Variants in WNT16 observed in about 807,000 individuals in gnomAD.
WNT16 encodes protein Wnt-16.
WNT16 carries 20 observed loss-of-function variants against 35.4 expected under a neutral mutation model. That is an observed-to-expected ratio of 0.56 (90% CI 0.40 to 0.82). WNT16 has a LOEUF of 0.82. WNT16 is among the 40% of genes least tolerant of loss of function. WNT16 has a pLI of 0.00. For missense variants in WNT16, 461 were observed against 466.0 expected (o/e 0.99, Z 0.10); for synonymous variants, 180 against 179.2 (o/e 1.00, Z -0.03).
Position 121,339,102 on chromosome 7 carries a change from C to T in WNT16, c.855C>T (p.Leu285=), listed in dbSNP as rs776883000. Residue 285 remains leucine (L), a synonymous_variant, in exon 4 of 4, where the codon CTC becomes CTT. Transcript: ENST00000222462. ...RKIPIHKDDL[L]YVNKSPNYCV... is the part of the protein sequence containing the mutation. ...TACCAATCCATAAGGATGATCTGCT[C>T]TATGTTAATAAGTCTCCCAACTACT... 3.8e-5 allele frequency: 62 copies of T among 1,614,040 alleles called. No individual in the cohort carries two copies. The highest frequency in any genetic ancestry group is 2.2e-4 in the Admixed American group (13 of 59,982).
At chr7:121,332,472 TG>T (rs1432456117) in intron 3 of WNT16, among the ~76,000 whole-genome samples, 4 of 152,192 alleles carry the variant, frequency 2.6e-5, no homozygotes, top group African/African-American at 9.6e-5. Context: ...CGCTTAGTCG[TG>T]GAGTCAGAAT....
Position 121,339,416 on chromosome 7 carries a change from C to A in WNT16, c.*71C>A. 2.9e-6 allele frequency: 4 copies of A among 1,395,208 alleles called. No individual in the cohort carries two copies. In the South Asian group the frequency reaches 5.2e-5, roughly 18 times the overall value. 86.4% of individuals were successfully genotyped at this position (1,395,208 alleles called of 1,614,324 possible). On this transcript the variant is annotated 3_prime_UTR_variant, in exon 4 of 4. Coordinates refer to ENST00000222462, the MANE Select transcript of WNT16 (RefSeq NM_057168.2). ...GCATTGCAACCAGAGAGGTGCCCAT[C>A]CCTGTGCAGCGCTAGTAAAGTTGAC...
At chr7:121,335,103 C>T (rs945624962) in intron 3 of WNT16, among the ~76,000 whole-genome samples, 2 of 152,078 alleles carry the variant, frequency 1.3e-5, no homozygotes, top group East Asian at 1.9e-4. Flanking sequence ...CATCCAACCT[C>T]GTGTCGCAGT....
intron 3 of WNT16, among the ~76,000 whole-genome samples, chr7:121,338,042 A>T (rs950338222): frequency 1.3e-5 from 2 of 152,202 alleles, no homozygotes; most frequent in Non-Finnish European, 2.9e-5. Context: ...CCTTTTGACC[A>T]ACTAAACCAG....
intron 3 of WNT16, among the ~76,000 whole-genome samples, chr7:121,334,763 C>T (rs1793413140): frequency 6.6e-6 from 1 of 152,068 alleles, no homozygotes; most frequent in Non-Finnish European, 1.5e-5. Context: ...GATTGGCTAA[C>T]GGAATGATGT....
rs374438180 is a variant in WNT16, at chr7:121,329,800, G to A, written c.329G>A (p.Gly110Asp). The change falls in exon 2 of 4, where the codon GGC (glycine) becomes GAC (aspartate). Residue 110 changes from glycine (G) to aspartate (D), a missense_variant. Coordinates refer to ENST00000222462, the MANE Select transcript of WNT16 (RefSeq NM_057168.2). ...TAPMGASPLF[G>D]YELSSGTKET... The stretch of plus-strand genomic sequence containing the variant: ...CCGATGGGCGCCAGCCCCCTCTTTG[G>A]CTACGAGCTGAGCAGCGGTGAGTCC... 6.2e-7 allele frequency: 1 copy of A among 1,604,094 alleles called. No homozygotes were observed.
rs770066890 is a variant in WNT16 at position 121,329,551 on chromosome 7, C to A, written c.96-16C>A. On this transcript the variant is annotated splice_polypyrimidine_tract_variant and intron_variant, in intron 1 of 3. Transcript: ENST00000222462. ...TTGGGGAGCGGCTTAACGCTACGGG[C>A]GGCCGTGTCTTACAGGTGGTTGGGC... 5 of 1,611,950 alleles carry A rather than the reference C, an allele frequency of 3.1e-6. No homozygotes were observed. In the Admixed American group the frequency reaches 5.0e-5, roughly 16 times the overall value.
intron 3 of WNT16, among the ~76,000 whole-genome samples, chr7:121,333,164 C>T (rs1026591737): frequency 1.3e-5 from 2 of 151,982 alleles, no homozygotes; most frequent in African/African-American, 4.8e-5. Context: ...CTGTCACATT[C>T]TTTTGAAATA....
chr7:121,332,783 C>G lies in WNT16; in HGVS notation c.633+819C>G, dbSNP rs114785104. Among the ~76,000 whole-genome samples the G allele has an allele frequency of 5.6e-3, 847 of 152,092 alleles. 9 individuals carry two copies. The highest frequency in any genetic ancestry group is 0.019 in the African/African-American group (772 of 41,518). On this transcript the variant is annotated intron_variant, in intron 3 of 3. Coordinates refer to ENST00000222462, the MANE Select transcript of WNT16 (RefSeq NM_057168.2). ...TAAAGAAGCTATAGGTATATTAAAT[C>G]TATAGATATTTTAAAATATCAGTAT...
intron 3 of WNT16, 64 bp downstream of exon 3, chr7:121,332,028 A>C (rs1791423196): frequency 1.3e-6 from 2 of 1,569,644 alleles, no homozygotes; most frequent in South Asian, 2.4e-5. Context: ...AGGATTACAC[A>C]TCTGCATGAA....
At chr7:121,336,274 C>A (rs1297391587) in intron 3 of WNT16, among the ~76,000 whole-genome samples, 1 of 151,438 alleles carries the variant, frequency 6.6e-6, no homozygotes, top group East Asian at 1.9e-4. Flanking sequence ...TATGTATATA[C>A]CTCTATAGAT....
intron 2 of WNT16, among the ~76,000 whole-genome samples, chr7:121,330,565 G>T (rs929997589): frequency 6.6e-6 from 1 of 152,056 alleles, no homozygotes; most frequent in African/African-American, 2.4e-5. Flanking sequence ...TGAAGGATGC[G>T]CTGTCGTTTT....
chr7:121,331,961 G>T lies in WNT16; in HGVS notation c.630G>T (p.Arg210Ser). ...AMNLHNNEAG[R>S]QAVAKLMSVD... ...ACCTACATAACAATGAAGCTGGAAG[G>T]CAGGTATGTATTAGAAAATGGAATA... Residue 210 changes from arginine (R) to serine (S), a missense_variant, in exon 3 of 4, where the codon AGG becomes AGT. Coordinates refer to ENST00000222462, the MANE Select transcript of WNT16 (RefSeq NM_057168.2). 1 of 1,613,774 alleles carries T rather than the reference G, an allele frequency of 6.2e-7. No homozygotes were observed. Among genetic ancestry groups the T allele is most frequent in the Non-Finnish European group, 8.5e-7 (1 of 1,179,726 alleles).
In WNT16 at chr7:121,339,215, T is replaced by C. The variant is rs1460747039; in HGVS notation, c.968T>C (p.Leu323Pro). Residue 323 changes from leucine (L) to proline (P), a missense_variant, in exon 4 of 4, where the codon CTC becomes CCC. Coordinates refer to ENST00000222462, the MANE Select transcript of WNT16 (RefSeq NM_057168.2). ...GAGGGTGCAGATGGCTGCAACCTCC[T>C]CTGCTGTGGCCGAGGTTACAACACC... ...TSEGADGCNL[L>P]CCGRGYNTHV... The C allele has an allele frequency of 6.2e-7, 1 of 1,614,186 alleles. No homozygotes were observed. Among genetic ancestry groups the C allele is most frequent in the South Asian group, 1.1e-5 (1 of 91,084 alleles).
chr7:121,328,040 A>G (rs1208280702), upstream of WNT16, among the ~76,000 whole-genome samples: 1 of 152,124 alleles, frequency 6.6e-6, no homozygotes, highest in Non-Finnish European at 1.5e-5. Context: ...GTGGGAAGAG[A>G]GCTTGTCTTT....
intron 3 of WNT16, among the ~76,000 whole-genome samples, chr7:121,332,560 T>G (rs932507414): frequency 1.3e-5 from 2 of 152,190 alleles, no homozygotes; most frequent in Non-Finnish European, 2.9e-5. Context: ...TATGATATTT[T>G]TTTAAATCGA....
chr7:121,325,569 C>A, upstream of WNT16: 3 of 1,326,890 alleles, frequency 2.3e-6, no homozygotes, highest in Non-Finnish European at 3.1e-6. Flanking sequence ...GAACCATAGA[C>A]ACCAGTAAAA....
chr7:121,331,704 G>T lies in WNT16; in HGVS notation c.373G>T (p.Ala125Ser). 2 of 1,612,148 alleles carry T rather than the reference G, an allele frequency of 1.2e-6. No individual in the cohort carries two copies. The highest frequency in any genetic ancestry group is 1.7e-6 in the Non-Finnish European group (2 of 1,178,306). The change falls in exon 3 of 4, where the codon GCT becomes TCT. Residue 125 changes from alanine (A) to serine (S), a missense_variant. Coordinates refer to ENST00000222462, the MANE Select transcript of WNT16 (RefSeq NM_057168.2). ...SGTKETAFIY[A>S]VMAAGLVHSV... ...CACCAAAGAGACAGCATTTATTTAT[G>T]CTGTGATGGCTGCAGGCCTGGTGCA... is the stretch of plus-strand genomic sequence containing the variant.
upstream of WNT16, chr7:121,325,403 T>A: frequency 6.3e-7 from 1 of 1,593,394 alleles, no homozygotes; most frequent in Non-Finnish European, 8.5e-7. Context: ...GCCAGAAAGA[T>A]GGAAAGGCAC....
Sources: allele counts gnomAD v4.1 joint callset (sites outside exome capture counted in the v4.1 genomes callset), GRCh38; gene constraint gnomAD v4.1.1; transcripts MANE v1.5; gene names NCBI Gene and HGNC (gene_info 2026-07-23, HGNC 2026-07-21).